FSTL4: variants seen among roughly 807,000 people sequenced by gnomAD.
The protein encoded by FSTL4 is follistatin-related protein 4.
FSTL4 carries 28 observed loss-of-function variants against 78.2 expected under a neutral mutation model. The observed-to-expected ratio is 0.36, with a 90% confidence interval of 0.27 to 0.49. The LOEUF (loss-of-function observed/expected upper bound fraction) is 0.49, where lower values mean the gene tolerates loss of function less well. Among genes scored for constraint, FSTL4 ranks in the 20% least tolerant of loss-of-function variants. The pLI is 0.98. For synonymous variants in FSTL4, 422 were observed against 440.5 expected, an observed-to-expected ratio of 0.96 and a Z score of 0.53; for missense variants, 922 against 1,084.9, an observed-to-expected ratio of 0.85 and a Z score of 2.11.
At chr5:133,722,136 C>G in the FSTL4 span, among the ~76,000 whole-genome samples, 27 of 152,102 alleles carry the variant, frequency 1.8e-4, no homozygotes, top group Non-Finnish European at 2.9e-4. Context: ...AACCCAGCCA[C>G]ATAGCAGGAG....
At chr5:133,391,425 C>A (rs1755847831) in intron 4 of FSTL4, among the ~76,000 whole-genome samples, 1 of 152,184 alleles carries the variant, frequency 6.6e-6, no homozygotes, top group African/African-American at 2.4e-5. Flanking sequence ...CACACAGGGC[C>A]TTCCTCAAAC....
At chr5:133,555,064 C>T (rs1486280040) in intron 3 of FSTL4, among the ~76,000 whole-genome samples, 2 of 152,180 alleles carry the variant, frequency 1.3e-5, no homozygotes, top group African/African-American at 4.8e-5. Context: ...CTCTCTCTGG[C>T]TCTATTTTAA....
intron 3 of FSTL4, among the ~76,000 whole-genome samples, chr5:133,496,291 A>T (rs968619442): frequency 2.2e-4 from 33 of 152,254 alleles, no homozygotes; most frequent in Non-Finnish European, 1.6e-4. Flanking sequence ...CTTGTAGATA[A>T]AAATGCAGGG....
intron 3 of FSTL4, among the ~76,000 whole-genome samples, chr5:133,435,992 G>A (rs1009549451): frequency 3.3e-5 from 5 of 152,018 alleles, no homozygotes; most frequent in African/African-American, 1.2e-4. Flanking sequence ...ATTCTCTCAT[G>A]CATCAGAAAT....
the FSTL4 span, among the ~76,000 whole-genome samples, chr5:133,807,608 C>T: frequency 1.3e-5 from 2 of 152,226 alleles, no homozygotes. Flanking sequence ...AGTGAGGATG[C>T]TCTGTAACCA....
At chr5:133,315,344 C>G (rs1442758994) in intron 5 of FSTL4, among the ~76,000 whole-genome samples, 1 of 152,202 alleles carries the variant, frequency 6.6e-6, no homozygotes, top group Non-Finnish European at 1.5e-5. Flanking sequence ...GGCAGTTTGA[C>G]TCTAAAGTCT....
intron 2 of FSTL4, among the ~76,000 whole-genome samples, chr5:133,597,900 T>A (rs1760770807): frequency 6.6e-6 from 1 of 151,932 alleles, no homozygotes; most frequent in Non-Finnish European, 1.5e-5. Context: ...GAGCAGGGGG[T>A]GTGGGCTAAG....
intron 3 of FSTL4, among the ~76,000 whole-genome samples, chr5:133,456,687 A>C (rs2127015060): frequency 6.7e-6 from 1 of 149,756 alleles, no homozygotes; most frequent in South Asian, 2.1e-4. Flanking sequence ...GTTGTACTTA[A>C]AAAAACAAAA....
chr5:133,642,895 C>T, the FSTL4 span, among the ~76,000 whole-genome samples: 3 of 152,280 alleles, frequency 2.0e-5, no homozygotes, highest in African/African-American at 7.2e-5. Context: ...ATTTGCTACT[C>T]GTCGAACTTG....
At chr5:133,222,907 G>T (rs540758342) in intron 11 of FSTL4, among the ~76,000 whole-genome samples, 117 of 152,342 alleles carry the variant, frequency 7.7e-4, no homozygotes, top group African/African-American at 2.7e-3. Context: ...AGTTTCAGGA[G>T]TGAAGGGTAC....
At chr5:133,589,057 A>G (rs1240454881) in intron 2 of FSTL4, among the ~76,000 whole-genome samples, 1 of 28,646 alleles carries the variant, frequency 3.5e-5, no homozygotes, top group Non-Finnish European at 7.5e-5. Context: ...AACACCGCAT[A>G]TTCTCACTCA....
At chr5:133,353,546 A>G (rs1754875271) in intron 4 of FSTL4, among the ~76,000 whole-genome samples, 1 of 151,454 alleles carries the variant, frequency 6.6e-6, no homozygotes, top group East Asian at 1.9e-4. Flanking sequence ...GGAAATAACT[A>G]GGAGTGAAAA....
chr5:133,717,997 G>A, the FSTL4 span, among the ~76,000 whole-genome samples: 13 of 152,242 alleles, frequency 8.5e-5, no homozygotes, highest in South Asian at 2.7e-3. Context: ...TTACAAAGTG[G>A]ACATATCATT....
chr5:133,653,340 T>G, the FSTL4 span, among the ~76,000 whole-genome samples: 2 of 152,188 alleles, frequency 1.3e-5, no homozygotes, highest in Non-Finnish European at 2.9e-5. Context: ...TGATGAACTT[T>G]CTGAGGTGAA....
intron 4 of FSTL4, among the ~76,000 whole-genome samples, chr5:133,378,038 CA>C (rs1351012534): frequency 6.6e-6 from 1 of 152,004 alleles, no homozygotes; most frequent in South Asian, 2.1e-4. Context: ...ATCGTATATC[CA>C]ACAAAACCAC....
chr5:133,726,192 C>A, the FSTL4 span, among the ~76,000 whole-genome samples: 1 of 152,114 alleles, frequency 6.6e-6, no homozygotes, highest in Non-Finnish European at 1.5e-5. Flanking sequence ...CTGAGCCCAC[C>A]TCACCCACAC....
chr5:133,267,910 C>T (rs562614488), intron 6 of FSTL4, among the ~76,000 whole-genome samples: 1 of 152,304 alleles, frequency 6.6e-6, no homozygotes, highest in East Asian at 1.9e-4. Context: ...GTGAGCTACA[C>T]ATTCAGGCTC....
intron 4 of FSTL4, among the ~76,000 whole-genome samples, chr5:133,373,690 C>A (rs953978142): frequency 6.6e-6 from 1 of 152,152 alleles, no homozygotes; most frequent in Non-Finnish European, 1.5e-5. Flanking sequence ...TCTTGGGAAG[C>A]CTTGATCATA....
chr5:133,472,072 T>A (rs1041470426), intron 3 of FSTL4, among the ~76,000 whole-genome samples: 3 of 152,154 alleles, frequency 2.0e-5, no homozygotes, highest in Non-Finnish European at 4.4e-5. Context: ...AGAATTACCG[T>A]GTGGAGCAGA....
Sources: gnomAD v4.1 joint callset for allele counts (sites outside exome capture counted in the v4.1 genomes callset) on GRCh38, gnomAD v4.1.1 for gene constraint, MANE v1.5 for transcripts, NCBI Gene and HGNC (gene_info 2026-07-23, HGNC 2026-07-21) for gene names.